TMEM215: variants seen among roughly 807,000 people sequenced by gnomAD.
TMEM215 encodes the protein transmembrane protein 215.
TMEM215 carries 12 observed loss-of-function variants against 14.7 expected under a neutral mutation model. The observed-to-expected ratio is 0.82, with a 90% CI of 0.52 to 1.33. The LOEUF (loss-of-function observed/expected upper bound fraction) is 1.33, where lower values mean the gene tolerates loss of function less well. TMEM215 is among the 40% of genes most tolerant of loss of function. The pLI is 0.00. For missense variants in TMEM215, 276 were observed against 296.2 expected (o/e 0.93, Z 0.50); for synonymous variants, 122 against 124.8 (o/e 0.98, Z 0.15).
At position 32,788,236 on chromosome 9, in the gene TMEM215, G is replaced by C. The variant is rs1824529080; in HGVS notation, c.*3345G>C. On this transcript the variant is annotated 3_prime_UTR_variant, in exon 2 of 2. Coordinates refer to ENST00000342743, the MANE Select transcript of TMEM215 (RefSeq NM_212558.3). ...CTGTACCCATAACATCATTTATTTG[G>C]TGAATTCACTGTTATTAATACTAGT... Among the ~76,000 whole-genome samples, 1 of 151,970 alleles carries C rather than the reference G, an allele frequency of 6.6e-6. No homozygotes were observed. Among genetic ancestry groups the C allele is most frequent in the Non-Finnish European group, 1.5e-5 (1 of 67,984 alleles).
Position 32,784,842 on chromosome 9 carries a change from G to A in TMEM215, c.659G>A (p.Cys220Tyr). The change falls in exon 2 of 2, where the codon TGT becomes TAT. Residue 220 changes from cysteine (C) to tyrosine (Y), a missense_variant. Transcript: ENST00000342743. ...KQNSPYDRYC[C>Y]YINQIQGRWD... The stretch of plus-strand genomic sequence containing the variant: ...AACAGCCCGTATGACAGATACTGTT[G>A]TTATATCAATCAGATACAAGGCAGG... The A allele has an allele frequency of 6.2e-7, 1 of 1,613,234 alleles. No homozygotes were observed. The highest frequency in any genetic ancestry group is 8.5e-7 in the Non-Finnish European group (1 of 1,180,026).
rs1157046596 is a variant in TMEM215 at position 32,784,145 on chromosome 9, C to A, written c.-39C>A. The A allele has an allele frequency of 6.4e-7, 1 of 1,572,214 alleles. No individual in the cohort carries two copies. The highest frequency in any genetic ancestry group is 8.6e-7 in the Non-Finnish European group (1 of 1,156,542). Reference sequence around the variant, plus strand: ...TGACAGAATAGAGGAACGCTGCTCCCTGGTCAGCAAGCAGCCCCCAACCTG... The same window carrying A: ...TGACAGAATAGAGGAACGCTGCTCCATGGTCAGCAAGCAGCCCCCAACCTG... On this transcript the variant is annotated 5_prime_UTR_variant, in exon 2 of 2. In the 5' UTR this introduces an upstream ATG that the reference lacks. Transcript: ENST00000342743.
rs568217886 is a variant in TMEM215, at chr9:32,783,790, G to A, written c.-74G>A. ...GGCTTCTTTCCCTACTTCCTGGAGA[G>A]GGCAGGAAACCTCAGGTACCTCGTT... is the stretch of plus-strand genomic sequence containing the variant. On this transcript the variant is annotated 5_prime_UTR_variant, in exon 1 of 2. Transcript: ENST00000342743. 3 of 176,596 alleles carry A rather than the reference G, an allele frequency of 1.7e-5. No homozygotes were observed. The highest frequency in any genetic ancestry group is 7.1e-5 in the African/African-American group (3 of 42,128). The allele number at this position is 176,596 out of a possible 1,614,324, so 10.9% of individuals were successfully genotyped here.
In TMEM215 at chr9:32,788,085, T is replaced by A. The variant is rs1196832295; in HGVS notation, c.*3194T>A. Among the ~76,000 whole-genome samples the A allele has an allele frequency of 1.3e-5, 2 of 152,206 alleles. No individual in the cohort carries two copies. The highest frequency in any genetic ancestry group is 4.8e-5 in the African/African-American group (2 of 41,462). ...CCCTGCTAAGCAGCTGCTTTGAAAA[T>A]GTTTTCAATACTATGGATCTTAATA... On this transcript the variant is annotated 3_prime_UTR_variant, in exon 2 of 2. Transcript: ENST00000342743.
At position 32,786,309 on chromosome 9, in the gene TMEM215, A is replaced by C. The variant is rs1824505859; in HGVS notation, c.*1418A>C. The C allele has an allele frequency of 6.0e-6, 1 of 167,026 alleles. No individual in the cohort carries two copies. The highest frequency in any genetic ancestry group is 1.5e-5 in the Non-Finnish European group (1 of 68,092). 10.3% of individuals were successfully genotyped at this position (167,026 alleles called of 1,614,324 possible). A position where few individuals can be genotyped will look rare whatever the true frequency, so the allele number is the denominator to read the frequency against. ...CCCAAAAGGGGAATTGAGGACAAAA[A>C]TTTGGGCATATATGTTTTGTGTATT... On this transcript the variant is annotated 3_prime_UTR_variant, in exon 2 of 2. Transcript: ENST00000342743.
Position 32,786,800 on chromosome 9 carries a change from A to G in TMEM215, c.*1909A>G, listed in dbSNP as rs916967095. The G allele has an allele frequency of 1.2e-5, 2 of 167,022 alleles. No homozygotes were observed. The highest frequency in any genetic ancestry group is 4.8e-5 in the African/African-American group (2 of 41,446). 10.3% of individuals were successfully genotyped at this position (167,022 alleles called of 1,614,324 possible). On this transcript the variant is annotated 3_prime_UTR_variant, in exon 2 of 2. Coordinates refer to ENST00000342743, the MANE Select transcript of TMEM215 (RefSeq NM_212558.3). The stretch of plus-strand genomic sequence containing the variant: ...AAAATGAACATAATCAGAGTAAAAT[A>G]TTTTTGAGGAGAAAACTTAAAATGT...
rs926971880 is a variant in TMEM215 at position 32,786,872 on chromosome 9, A to G, written c.*1981A>G. 1 of 167,000 alleles carries G rather than the reference A, an allele frequency of 6.0e-6. No homozygotes were observed. Among genetic ancestry groups the G allele is most frequent in the African/African-American group, 2.4e-5 (1 of 41,458 alleles). The allele number at this position is 167,000 out of a possible 1,614,324, so 10.3% of individuals were successfully genotyped here. ...AATACACAACCTTGCACTAAATGTGATTGACATTTGGATTTGGGATGGGGA... is the reference window on the plus strand; with the variant it reads ...AATACACAACCTTGCACTAAATGTGGTTGACATTTGGATTTGGGATGGGGA... On this transcript the variant is annotated 3_prime_UTR_variant, in exon 2 of 2. Transcript: ENST00000342743.
rs1239872811 is a variant in TMEM215, at chr9:32,786,098, TC to T, written c.*1208del. 6.0e-6 allele frequency: 1 copy of T among 167,022 alleles called. No homozygotes were observed. The highest frequency in any genetic ancestry group is 1.5e-5 in the Non-Finnish European group (1 of 68,104). 10.3% of individuals were successfully genotyped at this position (167,022 alleles called of 1,614,324 possible). On this transcript the variant is annotated 3_prime_UTR_variant, in exon 2 of 2. Transcript: ENST00000342743. ...CACAATGATATCCTAAAATGTGCTT[TC>T]TATTTCACTTGCTCAACTGCAATAG... is the stretch of plus-strand genomic sequence containing the variant.
Position 32,787,952 on chromosome 9 carries a change from G to C in TMEM215, c.*3061G>C, listed in dbSNP as rs1824526266. Among the ~76,000 whole-genome samples the C allele has an allele frequency of 6.6e-6, 1 of 152,106 alleles. No homozygotes were observed. Among genetic ancestry groups the C allele is most frequent in the Non-Finnish European group, 1.5e-5 (1 of 67,988 alleles). On this transcript the variant is annotated 3_prime_UTR_variant, in exon 2 of 2. Transcript: ENST00000342743. ...GATTCTTAAGTGAGAATTCAGACAT[G>C]ATACTCAAACGAGAGCATATTAGAC...
rs1824480999 is a variant in TMEM215, at chr9:32,784,523, A to T, written c.340A>T (p.Lys114Ter). 6.2e-7 allele frequency: 1 copy of T among 1,613,864 alleles called. No individual in the cohort carries two copies. Residue 114 changes from lysine (K) to a stop codon, truncating the protein, a stop_gained, in exon 2 of 2, where the codon AAG (lysine) becomes TAG (stop). Transcript: ENST00000342743. LOFTEE classifies it high-confidence loss of function. ...GGGGAGCTCAGATGAGCTGGCTAAGAAGGCGGGCCTCAGGGGGAAGCCTCC... is the reference window on the plus strand; with the variant it reads ...GGGGAGCTCAGATGAGCTGGCTAAGTAGGCGGGCCTCAGGGGGAAGCCTCC... ...GKGSSDELAK[K>*]AGLRGKPPPQ...
At position 32,787,912 on chromosome 9, in the gene TMEM215, T is replaced by C. The variant is rs1470689602; in HGVS notation, c.*3021T>C. ...ACTTATTGTGCACATGGGTTGTTTTTCCAAACTGCTTCTTGATTCTTAAGT... is the reference window on the plus strand; with the variant it reads ...ACTTATTGTGCACATGGGTTGTTTTCCCAAACTGCTTCTTGATTCTTAAGT... On this transcript the variant is annotated 3_prime_UTR_variant, in exon 2 of 2. Transcript: ENST00000342743. Among the ~76,000 whole-genome samples, 2 of 152,176 alleles carry C rather than the reference T, an allele frequency of 1.3e-5. No individual in the cohort carries two copies. Among genetic ancestry groups the C allele is most frequent in the African/African-American group, 2.4e-5 (1 of 41,460 alleles).
At position 32,788,370 on chromosome 9, in the gene TMEM215, C is replaced by A. The variant is rs1216858135; in HGVS notation, c.*3479C>A. Among the ~76,000 whole-genome samples the A allele has an allele frequency of 6.6e-6, 1 of 152,228 alleles. No individual in the cohort carries two copies. ...TCATCTTCCAGGCTTCCTCCACATG[C>A]AAATGCAGCATACATATTATAATAG... On this transcript the variant is annotated 3_prime_UTR_variant, in exon 2 of 2. Coordinates refer to ENST00000342743, the MANE Select transcript of TMEM215 (RefSeq NM_212558.3).
chr9:32,784,948 G>A lies in TMEM215; in HGVS notation c.*57G>A. ...AATATGACTAAGCCCAGCTCCCCGT[G>A]GAAGCAAATTGCTCTGCTTGGAGAG... On this transcript the variant is annotated 3_prime_UTR_variant, in exon 2 of 2. Transcript: ENST00000342743. 6.9e-7 allele frequency: 1 copy of A among 1,439,046 alleles called. No individual in the cohort carries two copies. Among genetic ancestry groups the A allele is most frequent in the Non-Finnish European group, 9.6e-7 (1 of 1,041,542 alleles). 89.1% of individuals were successfully genotyped at this position (1,439,046 alleles called of 1,614,324 possible).
chr9:32,784,306 C>T lies in TMEM215; in HGVS notation c.123C>T (p.Pro41=). The T allele has an allele frequency of 6.2e-7, 1 of 1,614,234 alleles. No individual in the cohort carries two copies. Among genetic ancestry groups the T allele is most frequent in the South Asian group, 1.1e-5 (1 of 91,086 alleles). ...GMKGETLGNI[P]LLAIGPAICL... Reference sequence around the variant, plus strand: ...AAGGGGAGACTTTGGGAAACATCCCCCTCCTGGCCATCGGGCCAGCCATCT... The same window carrying T: ...AAGGGGAGACTTTGGGAAACATCCCTCTCCTGGCCATCGGGCCAGCCATCT... Residue 41 remains proline, a synonymous_variant, in exon 2 of 2, where the codon CCC becomes CCT. Transcript: ENST00000342743.
Position 32,788,028 on chromosome 9 carries a change from C to G in TMEM215, c.*3137C>G, listed in dbSNP as rs1824526987. Among the ~76,000 whole-genome samples the G allele has an allele frequency of 6.6e-6, 1 of 152,104 alleles. No individual in the cohort carries two copies. Among genetic ancestry groups the G allele is most frequent in the African/African-American group, 2.4e-5 (1 of 41,428 alleles). ...TGCAGTCATCTTGGCAAACAAAATC[C>G]AGATACAGTTAAGTTCAGGCTCTCT... is the stretch of plus-strand genomic sequence containing the variant. On this transcript the variant is annotated 3_prime_UTR_variant, in exon 2 of 2. Coordinates refer to ENST00000342743, the MANE Select transcript of TMEM215 (RefSeq NM_212558.3).
At position 32,784,495 on chromosome 9, in the gene TMEM215, C is replaced by T. The variant is rs774981987; in HGVS notation, c.312C>T (p.Gly104=). The T allele has an allele frequency of 5.0e-6, 8 of 1,614,036 alleles. No homozygotes were observed. Among genetic ancestry groups the T allele is most frequent in the Non-Finnish European group, 6.8e-6 (8 of 1,180,028 alleles). The stretch of plus-strand genomic sequence containing the variant: ...GGACCCCTTCAGACCTAGAATCCGG[C>T]AAGGGGAGCTCAGATGAGCTGGCTA... ...LLRTPSDLES[G]KGSSDELAKK... is the part of the protein sequence containing the mutation. Residue 104 remains glycine (G), a synonymous_variant, in exon 2 of 2, where the codon GGC becomes GGT. Transcript: ENST00000342743.
Position 32,784,907 on chromosome 9 carries a change from G to A in TMEM215, c.*16G>A. On this transcript the variant is annotated 3_prime_UTR_variant, in exon 2 of 2. Coordinates refer to ENST00000342743, the MANE Select transcript of TMEM215 (RefSeq NM_212558.3). ...CATCGTCTAATCTCTGCCTACAAAG[G>A]TGGCTGGATTGATAGAATATGACTA... 6.3e-7 allele frequency: 1 copy of A among 1,598,796 alleles called. No homozygotes were observed. The highest frequency in any genetic ancestry group is 2.2e-5 in the East Asian group (1 of 44,782).
rs1824532043 is a variant in TMEM215 at position 32,788,537 on chromosome 9, C to A, written c.*3646C>A. Among the ~76,000 whole-genome samples the A allele has an allele frequency of 6.6e-6, 1 of 152,178 alleles. No homozygotes were observed. Among genetic ancestry groups the A allele is most frequent in the African/African-American group, 2.4e-5 (1 of 41,444 alleles). ...TTATCATGCCATTCCTTATTGCTGGCAAGATACTAAGTTTTATGGATGATT... is the reference window on the plus strand; with the variant it reads ...TTATCATGCCATTCCTTATTGCTGGAAAGATACTAAGTTTTATGGATGATT... On this transcript the variant is annotated 3_prime_UTR_variant, in exon 2 of 2. Coordinates refer to ENST00000342743, the MANE Select transcript of TMEM215 (RefSeq NM_212558.3).
chr9:32,784,915 A>T lies in TMEM215; in HGVS notation c.*24A>T, dbSNP rs1824489381. 1 of 1,586,026 alleles carries T rather than the reference A, an allele frequency of 6.3e-7. No individual in the cohort carries two copies. The highest frequency in any genetic ancestry group is 2.2e-5 in the East Asian group (1 of 44,704). On this transcript the variant is annotated 3_prime_UTR_variant, in exon 2 of 2. Transcript: ENST00000342743. ...AATCTCTGCCTACAAAGGTGGCTGG[A>T]TTGATAGAATATGACTAAGCCCAGC...
Sources: allele counts gnomAD v4.1 joint callset (sites outside exome capture counted in the v4.1 genomes callset), GRCh38; gene constraint gnomAD v4.1.1; transcripts MANE v1.5; gene names NCBI Gene and HGNC (gene_info 2026-07-23, HGNC 2026-07-21).